The following DGKI variants were observed in gnomAD, a reference collection of about 807,000 sequenced individuals.
DGKI encodes DAG kinase iota.
In DGKI, 55 loss-of-function variants were observed where a neutral mutation model predicts 147.5. That is an observed-to-expected ratio of 0.37 (90% CI 0.30 to 0.47). DGKI has a LOEUF of 0.47. Ranked by LOEUF, DGKI falls within the 20% of genes least tolerant of loss-of-function variation. The probability of loss-of-function intolerance (pLI) is 1.00; values close to 1 mark genes in which losing one functional copy is unlikely to be tolerated. For missense variants in DGKI, 1,007 were observed against 1,323.8 expected (o/e 0.76, Z 3.71); for synonymous variants, 469 against 477.1 (o/e 0.98, Z 0.22).
At chr7:137,425,795 A>G (rs61633898) in intron 28 of DGKI, among the ~76,000 whole-genome samples, 12,595 of 152,232 alleles carry the variant, frequency 0.083, 1,498 homozygotes, top group African/African-American at 0.26. Flanking sequence ...AAGAAAGGGT[A>G]TCAGTGATGG....
At chr7:137,395,726 C>T (rs1811525801) in intron 31 of DGKI, 29 bp from the exon 32 acceptor site, 1 of 1,606,142 alleles carries the variant, frequency 6.2e-7, no homozygotes, top group Non-Finnish European at 8.5e-7. Context: ...GGGAAACCAC[C>T]CATAAAGGGG....
chr7:137,767,567 A>AG (rs1490735113), intron 1 of DGKI, among the ~76,000 whole-genome samples: 2 of 150,936 alleles, frequency 1.3e-5, no homozygotes, highest in African/African-American at 2.5e-5. Flanking sequence ...AGAGAAGAGA[A>AG]GAGAAGGAGA....
intron 1 of DGKI, among the ~76,000 whole-genome samples, chr7:137,792,674 G>C (rs1796891673): frequency 6.6e-6 from 1 of 152,220 alleles, no homozygotes. Flanking sequence ...GGGTCATGGT[G>C]CTGGATCCCT....
chr7:137,721,957 A>G, intron 1 of DGKI: 2 of 1,340,132 alleles, frequency 1.5e-6, no homozygotes, highest in African/African-American at 1.5e-5. Flanking sequence ...TTAGAAGTAT[A>G]GCATAGTGAG....
intron 20 of DGKI, among the ~76,000 whole-genome samples, chr7:137,549,280 G>C (rs930943038): frequency 2.6e-4 from 40 of 152,296 alleles, no homozygotes; most frequent in African/African-American, 9.4e-4. Context: ...TCAATTTTTA[G>C]AAGAAAATTC....
At chr7:137,606,458 T>G (rs1471393382) in intron 10 of DGKI, among the ~76,000 whole-genome samples, 1 of 152,200 alleles carries the variant, frequency 6.6e-6, no homozygotes, top group Non-Finnish European at 1.5e-5. Flanking sequence ...TATTTTTCTA[T>G]TTATCACAGT....
intron 11 of DGKI, among the ~76,000 whole-genome samples, chr7:137,599,366 TTC>T (rs1016148451): frequency 2.0e-5 from 3 of 151,848 alleles, no homozygotes; most frequent in Middle Eastern, 3.4e-3. Context: ...AATCAATTGA[TTC>T]TCTCTCTCTC....
intron 12 of DGKI, among the ~76,000 whole-genome samples, chr7:137,593,666 G>T (rs927685387): frequency 6.6e-6 from 1 of 152,192 alleles, no homozygotes; most frequent in African/African-American, 2.4e-5. Context: ...ATATATGCTA[G>T]ATTTTGAAGA....
chr7:137,618,151 A>ATATATATATATTTTTTT, intron 8 of DGKI, among the ~76,000 whole-genome samples: 19 of 10,460 alleles, frequency 1.8e-3, no homozygotes, highest in Non-Finnish European at 3.6e-3. Context: ...ATATATATAT[A>ATATATATATATTTTTTT]TTTTTTTTTT....
At chr7:137,831,968 C>A (rs1463666092) in intron 1 of DGKI, among the ~76,000 whole-genome samples, 2 of 152,214 alleles carry the variant, frequency 1.3e-5, no homozygotes, top group Non-Finnish European at 2.9e-5. Context: ...TTCAACCGGG[C>A]AGTCAAATCT....
intron 28 of DGKI, among the ~76,000 whole-genome samples, chr7:137,423,278 G>A (rs934826543): frequency 2.0e-5 from 3 of 152,186 alleles, no homozygotes; most frequent in Non-Finnish European, 4.4e-5. Context: ...GAAGCACAGA[G>A]AAAGCTTCAG....
At chr7:137,810,739 G>A (rs1458102104) in intron 1 of DGKI, among the ~76,000 whole-genome samples, 3 of 143,218 alleles carry the variant, frequency 2.1e-5, no homozygotes, top group African/African-American at 9.2e-5. Context: ...AGAGATCCCT[G>A]GAGAAGTTTT....
At chr7:137,818,649 G>A (rs1263381222) in intron 1 of DGKI, among the ~76,000 whole-genome samples, 1 of 151,982 alleles carries the variant, frequency 6.6e-6, no homozygotes, top group African/African-American at 2.4e-5. Flanking sequence ...CACCATGTTG[G>A]TCAGCTGGTC....
At chr7:137,836,871 C>CTAT (rs1352496723) in intron 1 of DGKI, among the ~76,000 whole-genome samples, 1 of 152,202 alleles carries the variant, frequency 6.6e-6, no homozygotes, top group East Asian at 1.9e-4. Context: ...AGGCCTCTCT[C>CTAT]TATGTCTTGT....
chr7:137,592,932 T>C (rs557773473), intron 12 of DGKI, among the ~76,000 whole-genome samples: 2 of 152,164 alleles, frequency 1.3e-5, no homozygotes, highest in South Asian at 4.1e-4. Flanking sequence ...GCTTACTCAG[T>C]GAGAGAGGAT....
At chr7:137,844,546 A>C (rs1798654202) in intron 1 of DGKI, among the ~76,000 whole-genome samples, 1 of 152,226 alleles carries the variant, frequency 6.6e-6, no homozygotes, top group Non-Finnish European at 1.5e-5. Flanking sequence ...GAGACTGTAA[A>C]GCTTTATTTA....
chr7:137,638,538 ATGTATATATATGTG>A (rs1243804841), intron 6 of DGKI, among the ~76,000 whole-genome samples: 3 of 119,674 alleles, frequency 2.5e-5, no homozygotes, highest in African/African-American at 9.9e-5. Flanking sequence ...ACACACATAT[ATGTATATATATGTG>A]TGTATATATA....
intron 30 of DGKI, among the ~76,000 whole-genome samples, chr7:137,403,024 G>A (rs1020904341): frequency 1.3e-5 from 2 of 152,076 alleles, no homozygotes; most frequent in African/African-American, 2.4e-5. Flanking sequence ...GAGTGTGCAG[G>A]GTGGCGAAGG....
intron 20 of DGKI, among the ~76,000 whole-genome samples, chr7:137,532,453 G>C (rs1373157305): frequency 6.6e-6 from 1 of 152,070 alleles, no homozygotes; most frequent in Non-Finnish European, 1.5e-5. Context: ...AATTATTGCA[G>C]AATTGTTTGT....
Sources: gnomAD v4.1 joint callset for allele counts (sites outside exome capture counted in the v4.1 genomes callset) on GRCh38, gnomAD v4.1.1 for gene constraint, MANE v1.5 for transcripts, NCBI Gene and HGNC (gene_info 2026-07-23, HGNC 2026-07-21) for gene names.